Variants in LEF1 observed in about 807,000 individuals in gnomAD.
The protein encoded by LEF1 is lymphoid enhancer binding factor 1.
In LEF1, 14 loss-of-function variants were observed where a neutral mutation model predicts 51.2. The observed-to-expected ratio is 0.27, with a 90% CI of 0.18 to 0.43. The LOEUF (loss-of-function observed/expected upper bound fraction) is 0.43. Among genes scored for constraint, LEF1 ranks in the 20% least tolerant of loss-of-function variants. The pLI is 1.00. For synonymous variants in LEF1, 185 were observed against 183.2 expected (o/e 1.01, Z -0.08); for missense variants, 386 against 512.0 (o/e 0.75, Z 2.37).
intron 2 of LEF1, among the ~76,000 whole-genome samples, chr4:108,164,167 T>G (rs1295385714): frequency 6.6e-6 from 1 of 152,082 alleles, no homozygotes; most frequent in African/African-American, 2.4e-5. Context: ...TCTAGAAAAA[T>G]TTCTAGATTC....
intron 3 of LEF1, among the ~76,000 whole-genome samples, chr4:108,130,804 A>C (rs1463997819): frequency 2.0e-5 from 3 of 152,038 alleles, no homozygotes; most frequent in Non-Finnish European, 4.4e-5. Flanking sequence ...TGCCCTTCCC[A>C]AGTTGCTTCT....
intron 3 of LEF1, among the ~76,000 whole-genome samples, chr4:108,107,212 T>C (rs756458382): frequency 5.9e-5 from 9 of 152,198 alleles, no homozygotes; most frequent in Non-Finnish European, 1.2e-4. Flanking sequence ...CTGAGGTCAA[T>C]GACCTTTGCA....
intron 3 of LEF1, among the ~76,000 whole-genome samples, chr4:108,096,394 T>C (rs878984373): frequency 6.6e-6 from 1 of 152,194 alleles, no homozygotes; most frequent in Non-Finnish European, 1.5e-5. Flanking sequence ...GAGAATCCAA[T>C]GGTTCATCTT....
At chr4:108,136,049 ATG>A (rs1271210413) in intron 3 of LEF1, among the ~76,000 whole-genome samples, 6 of 152,354 alleles carry the variant, frequency 3.9e-5, no homozygotes, top group African/African-American at 1.2e-4. Context: ...TGATGATGTG[ATG>A]TGAAAATAAT....
Position 108,066,481 on chromosome 4 carries a change from C to G in LEF1, c.1117-2097G>C, listed in dbSNP as rs992659455. Among the ~76,000 whole-genome samples, 9 of 152,282 alleles carry G rather than the reference C, an allele frequency of 5.9e-5. No individual in the cohort carries two copies. The East Asian group carries it at 1.7e-3, about 29-fold the overall frequency. On this transcript the variant is annotated intron_variant, in intron 9 of 11. Transcript: ENST00000265165. ...TGCATGACTGAATGCCTCACAGGTGCTATAATGGGCTCTGTCCCCAGAGCA... is the reference window on the plus strand; with the variant it reads ...TGCATGACTGAATGCCTCACAGGTGGTATAATGGGCTCTGTCCCCAGAGCA...
intron 3 of LEF1, among the ~76,000 whole-genome samples, chr4:108,120,556 C>CG (rs1053284080): frequency 1.3e-5 from 2 of 152,150 alleles, no homozygotes; most frequent in African/African-American, 4.8e-5. Context: ...TAAAGGTCAG[C>CG]TGCAATGTGG....
intron 3 of LEF1, among the ~76,000 whole-genome samples, chr4:108,157,166 CTCTATATA>C (rs1318971904): frequency 5.2e-5 from 6 of 116,154 alleles, no homozygotes; most frequent in Admixed American, 8.8e-5. Context: ...CTCTCTCTCT[CTCTATATA>C]TATATACACA....
Position 108,066,544 on chromosome 4 carries a change from A to G in LEF1, c.1117-2160T>C, listed in dbSNP as rs73839812. On this transcript the variant is annotated intron_variant, in intron 9 of 11. Coordinates refer to ENST00000265165, the MANE Select transcript of LEF1 (RefSeq NM_016269.5). ...CAGCACCACGCTCCCCCACTCACACATGTCTAGAACATAGCCAGCACACAG... is the reference window on the plus strand; with the variant it reads ...CAGCACCACGCTCCCCCACTCACACGTGTCTAGAACATAGCCAGCACACAG... Among the ~76,000 whole-genome samples, 296 of 152,194 alleles carry G rather than the reference A, an allele frequency of 1.9e-3. 3 individuals are homozygous for G. The highest frequency in any genetic ancestry group is 6.9e-3 in the African/African-American group (287 of 41,520).
chr4:108,155,784 T>G (rs375843271), intron 3 of LEF1, among the ~76,000 whole-genome samples: 4 of 152,216 alleles, frequency 2.6e-5, no homozygotes, highest in African/African-American at 9.6e-5. Flanking sequence ...CGACATTAGA[T>G]CTCAGGTCTT....
In LEF1 at chr4:108,163,658, G is replaced by A. The variant is rs1041545915; in HGVS notation, c.324C>T (p.Tyr108=). ...TCATTATGTACCCGGAATAACTCGA[G>A]TAGGAGGGTCCCTTGTTGTAGAGGC... ...DGGLYNKGPS[Y]SSYSGYIMMP... Residue 108 remains tyrosine (Y), a synonymous_variant, in exon 3 of 12, where the codon TAC becomes TAT. Coordinates refer to ENST00000265165, the MANE Select transcript of LEF1 (RefSeq NM_016269.5). 1.2e-6 allele frequency: 2 copies of A among 1,613,904 alleles called. No homozygotes were observed. The highest frequency in any genetic ancestry group is 8.5e-7 in the Non-Finnish European group (1 of 1,179,808).
intron 3 of LEF1, among the ~76,000 whole-genome samples, chr4:108,094,390 C>G (rs1446195708): frequency 6.6e-6 from 1 of 152,222 alleles, no homozygotes; most frequent in Non-Finnish European, 1.5e-5. Flanking sequence ...CAATAAAACC[C>G]ATACCTCCTG....
intron 3 of LEF1, among the ~76,000 whole-genome samples, chr4:108,127,466 T>C (rs1280095655): frequency 2.0e-5 from 3 of 152,148 alleles, no homozygotes; most frequent in Non-Finnish European, 4.4e-5. Context: ...GAGAAAGAAG[T>C]GGCAAGAAAA....
intron 6 of LEF1, 113 bp downstream of exon 6, chr4:108,081,473 A>G: frequency 1.3e-6 from 1 of 759,848 alleles, no homozygotes; most frequent in South Asian, 1.6e-5. Flanking sequence ...AGACAGACAC[A>G]TGGCTGAGGT....
chr4:108,069,125 C>T (rs186667708), intron 9 of LEF1, among the ~76,000 whole-genome samples: 1 of 152,160 alleles, frequency 6.6e-6, no homozygotes, highest in Non-Finnish European at 1.5e-5. Flanking sequence ...CTCTCTTCCC[C>T]CTTCTTCTAC....
chr4:108,058,027 C>T (rs7662065), intron 11 of LEF1, among the ~76,000 whole-genome samples: 8,091 of 152,080 alleles, frequency 0.053, 210 homozygotes, highest in Non-Finnish European at 0.062. Flanking sequence ...GCGCCTGCCA[C>T]CACACCTGGC....
chr4:108,147,663 T>C (rs1256769311), intron 3 of LEF1, among the ~76,000 whole-genome samples: 1 of 152,238 alleles, frequency 6.6e-6, no homozygotes, highest in East Asian at 1.9e-4. Context: ...TGTTGACACC[T>C]TATTCCTAGC....
At chr4:108,129,285 G>A (rs1045833473) in intron 3 of LEF1, among the ~76,000 whole-genome samples, 3 of 152,156 alleles carry the variant, frequency 2.0e-5, no homozygotes, top group Admixed American at 1.3e-4. Flanking sequence ...TCACTAGAAG[G>A]AGGTCAAAAA....
intron 9 of LEF1, among the ~76,000 whole-genome samples, chr4:108,065,147 A>C (rs551745312): frequency 6.6e-6 from 1 of 152,350 alleles, no homozygotes; most frequent in African/African-American, 2.4e-5. Context: ...GATCCCACTT[A>C]CAGTGGTCTA....
At chr4:108,157,013 T>C (rs2110408251) in intron 3 of LEF1, among the ~76,000 whole-genome samples, 1 of 152,132 alleles carries the variant, frequency 6.6e-6, no homozygotes, top group South Asian at 2.1e-4. Context: ...AAGAAATATA[T>C]CTTAGTAGGT....
Sources: allele counts gnomAD v4.1 joint callset (sites outside exome capture counted in the v4.1 genomes callset), GRCh38; gene constraint gnomAD v4.1.1; transcripts MANE v1.5; gene names NCBI Gene and HGNC (gene_info 2026-07-23, HGNC 2026-07-21).